The following LRRC4C variants were observed in gnomAD, a reference collection of about 807,000 sequenced individuals.
LRRC4C encodes leucine-rich repeat-containing protein 4C.
In LRRC4C, 5 loss-of-function variants were observed where a neutral mutation model predicts 33.6. The ratio of observed to expected loss-of-function variants is 0.15; its 90% CI spans 0.08 to 0.31. The LOEUF (loss-of-function observed/expected upper bound fraction) is 0.31, where lower values mean the gene tolerates loss of function less well. LRRC4C is among the 10% of genes least tolerant of loss of function. LRRC4C has a pLI of 1.00. For synonymous variants in LRRC4C, 329 were observed against 302.0 expected (o/e 1.09, Z -0.93); for missense variants, 560 against 796.7 (o/e 0.70, Z 3.58).
Position 40,987,647 on chromosome 11 carries a change from ATATATC to A in LRRC4C, c.-495-53930_-495-53925del, listed in dbSNP as rs1468493336. 1.9e-3 allele frequency among the ~76,000 whole-genome samples: 93 copies of A among 48,870 alleles called. 4 individuals carry two copies. The highest frequency in any genetic ancestry group is 2.8e-3 in the Non-Finnish European group (68 of 24,688). 32.1% of individuals were successfully genotyped at this position (48,870 alleles called of 152,430 possible). On this transcript the variant is annotated intron_variant, in intron 1 of 6. Coordinates refer to ENST00000528697, the MANE Select transcript of LRRC4C (RefSeq NM_001258419.2). Reference sequence around the variant, plus strand: ...TGGGTAATGATATATATATATATATATATATCTCATATATATGAGATATAAATGATA... The same window carrying A: ...TGGGTAATGATATATATATATATATATCATATATATGAGATATAAATGATA...
At chr11:41,007,377 T>C (rs185450365) in intron 1 of LRRC4C, among the ~76,000 whole-genome samples, 1,837 of 152,244 alleles carry the variant, frequency 0.012, 11 homozygotes, top group Middle Eastern at 0.034. Context: ...TTTCTTTTTT[T>C]TTTAAACTTT....
intron 2 of LRRC4C, among the ~76,000 whole-genome samples, chr11:40,755,171 T>C (rs1236820560): frequency 1.3e-5 from 2 of 152,160 alleles, no homozygotes; most frequent in African/African-American, 4.8e-5. Flanking sequence ...TTCAGGATTC[T>C]ACTACTGCTC....
chr11:41,167,727 T>C (rs1944792152), intron 1 of LRRC4C, among the ~76,000 whole-genome samples: 1 of 152,132 alleles, frequency 6.6e-6, no homozygotes, highest in Non-Finnish European at 1.5e-5. Flanking sequence ...TACCTGTCCA[T>C]CTCTCATCTC....
Position 40,247,116 on chromosome 11 carries a change from T to C in LRRC4C, c.-175-5518A>G, listed in dbSNP as rs868058144. Among the ~76,000 whole-genome samples, 691 of 147,208 alleles carry C rather than the reference T, an allele frequency of 4.7e-3. 2 individuals carry two copies. The highest frequency in any genetic ancestry group is 0.014 in the African/African-American group (554 of 38,892). On this transcript the variant is annotated intron_variant, in intron 4 of 6. Coordinates refer to ENST00000528697, the MANE Select transcript of LRRC4C (RefSeq NM_001258419.2). ...CTGTAACTCCTTCCTTTTCTCTCTTTTTTTTTTTTTAACTAATTTAAATAT... is the reference window on the plus strand; with the variant it reads ...CTGTAACTCCTTCCTTTTCTCTCTTCTTTTTTTTTTAACTAATTTAAATAT...
intron 6 of LRRC4C, among the ~76,000 whole-genome samples, chr11:40,137,623 A>G (rs1422047491): frequency 1.3e-5 from 2 of 152,190 alleles, no homozygotes; most frequent in Non-Finnish European, 2.9e-5. Context: ...CTTAAAAGCT[A>G]TGAATATAGG....
At chr11:41,201,919 CAA>C (rs1483780219) in intron 1 of LRRC4C, among the ~76,000 whole-genome samples, 2 of 21,650 alleles carry the variant, frequency 9.2e-5, no homozygotes, top group African/African-American at 1.2e-4. Context: ...TACACACACA[CAA>C]ACACACACAC....
intron 3 of LRRC4C, among the ~76,000 whole-genome samples, chr11:40,559,261 C>A (rs1565504401): frequency 6.7e-6 from 1 of 150,170 alleles, no homozygotes; most frequent in African/African-American, 2.4e-5. Flanking sequence ...CAGCTCACTG[C>A]AACCCCTGCC....
At chr11:40,150,699 C>T (rs1253166613) in intron 5 of LRRC4C, among the ~76,000 whole-genome samples, 2 of 152,140 alleles carry the variant, frequency 1.3e-5, no homozygotes, top group Admixed American at 6.5e-5. Flanking sequence ...CTTGCCTCAG[C>T]CTCCCAATGT....
intron 3 of LRRC4C, among the ~76,000 whole-genome samples, chr11:40,461,155 T>C (rs1565411794): frequency 6.6e-6 from 1 of 152,106 alleles, no homozygotes; most frequent in Non-Finnish European, 1.5e-5. Context: ...TTCTTCAGGG[T>C]TAAACAGCTT....
At chr11:41,416,570 C>A (rs1039403108) in intron 1 of LRRC4C, among the ~76,000 whole-genome samples, 1 of 151,928 alleles carries the variant, frequency 6.6e-6, no homozygotes, top group Non-Finnish European at 1.5e-5. Context: ...CTTCATGTTA[C>A]GGACACTTTA....
chr11:40,222,795 G>C (rs928588200), intron 5 of LRRC4C, among the ~76,000 whole-genome samples: 2 of 152,218 alleles, frequency 1.3e-5, no homozygotes, highest in Non-Finnish European at 2.9e-5. Context: ...TGCAGGCTTA[G>C]AGTGGGAAAG....
chr11:40,678,298 T>C (rs1479015445), intron 2 of LRRC4C, among the ~76,000 whole-genome samples: 1 of 152,018 alleles, frequency 6.6e-6, no homozygotes, highest in African/African-American at 2.4e-5. Flanking sequence ...CCCTCCTCCT[T>C]CTCCCCCATC....
intron 3 of LRRC4C, among the ~76,000 whole-genome samples, chr11:40,619,152 G>A (rs1962182991): frequency 6.6e-6 from 1 of 151,558 alleles, no homozygotes; most frequent in African/African-American, 2.4e-5. Context: ...GGGGGTTGGG[G>A]GAGATTTGGA....
At chr11:41,198,662 T>A (rs1027228473) in intron 1 of LRRC4C, among the ~76,000 whole-genome samples, 4 of 151,352 alleles carry the variant, frequency 2.6e-5, no homozygotes, top group African/African-American at 9.7e-5. Flanking sequence ...AAACACACAC[T>A]CAATTTTGGT....
chr11:40,707,970 T>G (rs1219246918), intron 2 of LRRC4C, among the ~76,000 whole-genome samples: 4 of 152,206 alleles, frequency 2.6e-5, no homozygotes, highest in African/African-American at 9.6e-5. Flanking sequence ...ATTCATCCAT[T>G]TCTTCTAGAT....
At chr11:40,819,895 A>G (rs562211659) in intron 2 of LRRC4C, among the ~76,000 whole-genome samples, 11 of 152,202 alleles carry the variant, frequency 7.2e-5, no homozygotes, top group African/African-American at 2.6e-4. Flanking sequence ...AAAATCAAGA[A>G]TTAATTTTAA....
intron 1 of LRRC4C, among the ~76,000 whole-genome samples, chr11:40,990,642 G>C (rs1197320026): frequency 2.0e-5 from 3 of 152,032 alleles, no homozygotes; most frequent in Non-Finnish European, 4.4e-5. Context: ...ACATTGCGTT[G>C]ACATTCTCAA....
At chr11:40,862,444 C>T (rs557833700) in intron 2 of LRRC4C, among the ~76,000 whole-genome samples, 2 of 152,148 alleles carry the variant, frequency 1.3e-5, no homozygotes, top group Non-Finnish European at 2.9e-5. Context: ...AAAATGGAAA[C>T]CATTTACTAA....
chr11:40,334,246 G>T (rs1173639801), intron 3 of LRRC4C, among the ~76,000 whole-genome samples: 2 of 151,854 alleles, frequency 1.3e-5, no homozygotes, highest in Non-Finnish European at 2.9e-5. Flanking sequence ...TAAGTTTGTG[G>T]TTACTGGGAA....
Sources: gnomAD v4.1 joint callset for allele counts (sites outside exome capture counted in the v4.1 genomes callset) on GRCh38, gnomAD v4.1.1 for gene constraint, MANE v1.5 for transcripts, NCBI Gene and HGNC (gene_info 2026-07-23, HGNC 2026-07-21) for gene names.